Variants in PTPN14 observed in about 807,000 individuals in gnomAD.
The protein encoded by PTPN14 is tyrosine-protein phosphatase non-receptor type 14.
Under a neutral mutation model 126.8 loss-of-function variants are expected in PTPN14, and 53 were observed. The ratio of observed to expected loss-of-function variants is 0.42; its 90% CI spans 0.34 to 0.53. The LOEUF (loss-of-function observed/expected upper bound fraction) is 0.53. Among genes scored for constraint, PTPN14 ranks in the 20% least tolerant of loss-of-function variants. PTPN14 has a pLI of 0.08. For missense variants in PTPN14, 1,257 were observed against 1,552.9 expected, an observed-to-expected ratio of 0.81 and a Z score of 3.20; for synonymous variants, 630 against 599.3, an observed-to-expected ratio of 1.05 and a Z score of -0.75.
At chr1:214,435,620 A>T (rs1178950426) in intron 3 of PTPN14, among the ~76,000 whole-genome samples, 2 of 152,224 alleles carry the variant, frequency 1.3e-5, no homozygotes, top group Non-Finnish European at 2.9e-5. Flanking sequence ...AAGAAGACAT[A>T]TATGTGGCCA....
At chr1:214,491,010 GAAGA>G (rs1661233146) in intron 1 of PTPN14, among the ~76,000 whole-genome samples, 1 of 102,964 alleles carries the variant, frequency 9.7e-6, no homozygotes, top group Admixed American at 1.1e-4. Flanking sequence ...GGAAAGAAAG[GAAGA>G]AAGGAAGAAA....
At chr1:214,462,249 C>A (rs937035490) in intron 2 of PTPN14, among the ~76,000 whole-genome samples, 1 of 152,166 alleles carries the variant, frequency 6.6e-6, no homozygotes, top group African/African-American at 2.4e-5. Context: ...CTTGGCAATG[C>A]ACTGCTTTAT....
At chr1:214,370,999 T>C (rs1658205662) in intron 16 of PTPN14, among the ~76,000 whole-genome samples, 1 of 152,240 alleles carries the variant, frequency 6.6e-6, no homozygotes, top group African/African-American at 2.4e-5. Context: ...AAGCATACCT[T>C]CCTCTTTTAT....
chr1:214,412,134 T>G (rs1057452016), intron 4 of PTPN14, among the ~76,000 whole-genome samples: 1 of 152,228 alleles, frequency 6.6e-6, no homozygotes. Context: ...CAAACCCATC[T>G]GCATCTTTTC....
chr1:214,362,741 G>A (rs1271524091), intron 18 of PTPN14, among the ~76,000 whole-genome samples: 1 of 152,210 alleles, frequency 6.6e-6, no homozygotes, highest in Non-Finnish European at 1.5e-5. Flanking sequence ...CCAGGCTTAC[G>A]CCTGTAATCC....
In PTPN14 at chr1:214,384,007, C is replaced by A; in HGVS notation, c.1848G>T (p.Val616=). ...TCACCTCCTGGAGAGACTGATGAAC[C>A]ACCGGAGAGCTGTCCTCTTGGAAGG... ...VKTFQEDSSP[V]VHQSLQEVSE... The change falls in exon 13 of 19, where the codon GTG becomes GTT. Residue 616 remains valine (V), a synonymous_variant. Transcript: ENST00000366956. The surrounding 1 kb of genome is among the most constrained non-coding windows in gnomAD (Gnocchi z 5.3). The A allele has an allele frequency of 6.2e-7, 1 of 1,606,654 alleles. No individual in the cohort carries two copies. Among genetic ancestry groups the A allele is most frequent in the Non-Finnish European group, 8.5e-7 (1 of 1,179,000 alleles).
chr1:214,544,557 C>G (rs1374391452), intron 1 of PTPN14, among the ~76,000 whole-genome samples: 5 of 152,182 alleles, frequency 3.3e-5, no homozygotes. Context: ...CGAGACCAGC[C>G]TGGCCAACAC....
chr1:214,502,040 C>T (rs1174333054), intron 1 of PTPN14, among the ~76,000 whole-genome samples: 2 of 120,152 alleles, frequency 1.7e-5, no homozygotes, highest in Admixed American at 1.1e-4. Flanking sequence ...GCCTGGGCGA[C>T]GGTGCAAGGC....
At chr1:214,414,577 C>T in intron 4 of PTPN14, 52 bp downstream of exon 4, 1 of 1,505,556 alleles carries the variant, frequency 6.6e-7, no homozygotes, top group Non-Finnish European at 9.2e-7. Flanking sequence ...CCAGCAACAC[C>T]ATGATCAAAC....
intron 3 of PTPN14, among the ~76,000 whole-genome samples, chr1:214,444,614 A>G (rs1660102224): frequency 1.3e-5 from 2 of 152,220 alleles, no homozygotes; most frequent in Admixed American, 1.3e-4. Flanking sequence ...ACAACAGCAC[A>G]CAAGGCAGAT....
At chr1:214,414,525 T>C (rs1659382076) in intron 4 of PTPN14, 104 bp downstream of exon 4, 1 of 1,051,392 alleles carries the variant, frequency 9.5e-7, no homozygotes, top group South Asian at 1.4e-5. Context: ...GGAGCATTAC[T>C]AAGGGATCAT....
intron 1 of PTPN14, among the ~76,000 whole-genome samples, chr1:214,522,142 C>G (rs1330173836): frequency 6.6e-6 from 1 of 151,928 alleles, no homozygotes; most frequent in African/African-American, 2.4e-5. Flanking sequence ...GCCATGTCGG[C>G]CAGGCTGATC....
chr1:214,464,872 T>C lies in PTPN14; in HGVS notation c.-69A>G. 1 of 1,569,828 alleles carries C rather than the reference T, an allele frequency of 6.4e-7. No individual in the cohort carries two copies. Among genetic ancestry groups the C allele is most frequent in the Non-Finnish European group, 8.7e-7 (1 of 1,150,834 alleles). ...CGCCCCTGAGATGGCCTTAGCAGTT[T>C]CGTGACTGGAAAATTACACTATCAC... On this transcript the variant is annotated 5_prime_UTR_variant, in exon 2 of 19. Transcript: ENST00000366956.
chr1:214,451,811 G>C lies in PTPN14; in HGVS notation c.338C>G (p.Ala113Gly), dbSNP rs772437258. 1.9e-6 allele frequency: 3 copies of C among 1,613,836 alleles called. No homozygotes were observed. The Admixed American group carries it at 5.0e-5, about 27-fold the overall frequency. The change falls in exon 3 of 19, where the codon GCC becomes GGC. Residue 113 changes from alanine to glycine, a missense_variant. Ala to Gly is a moderately conservative substitution (Grantham distance 60). This residue lies in a region of PTPN14 where 1,021 missense variants were observed against 1,183.3 expected (regional missense o/e 0.86). Transcript: ENST00000366956. ...AGGGGGAAAATGCACCTACCTTGTG[G>C]CCTCTTGCTGAAGCCATGACACATT... ...VPNVSWLQQE[A>G]TRYQYYLQVK...
intron 1 of PTPN14, among the ~76,000 whole-genome samples, chr1:214,544,416 T>TA (rs1368689693): frequency 6.9e-6 from 1 of 144,956 alleles, no homozygotes; most frequent in Non-Finnish European, 1.5e-5. Context: ...GGTGACAGGG[T>TA]AAAACCCTGT....
intron 8 of PTPN14, among the ~76,000 whole-genome samples, chr1:214,395,509 A>G (rs577084579): frequency 6.6e-6 from 1 of 151,676 alleles, no homozygotes; most frequent in African/African-American, 2.4e-5. Flanking sequence ...TTGACTTTGG[A>G]CTTAGTGTCA....
intron 1 of PTPN14, among the ~76,000 whole-genome samples, chr1:214,485,091 A>G (rs1403541081): frequency 6.6e-6 from 1 of 152,236 alleles, no homozygotes; most frequent in Non-Finnish European, 1.5e-5. Context: ...GAAAGCATTG[A>G]GCTGAGTCTA....
At chr1:214,546,118 C>T (rs962414769) in intron 1 of PTPN14, among the ~76,000 whole-genome samples, 2 of 152,130 alleles carry the variant, frequency 1.3e-5, no homozygotes, top group African/African-American at 4.8e-5. Context: ...GGTGGGTGAA[C>T]CAAGCAAGAC....
intron 5 of PTPN14, among the ~76,000 whole-genome samples, chr1:214,409,160 T>C (rs901806986): frequency 2.0e-5 from 3 of 152,232 alleles, no homozygotes; most frequent in South Asian, 2.1e-4. Flanking sequence ...TTATCAACGA[T>C]AGTCACCTTG....
Sources: gnomAD v4.1 joint callset for allele counts (sites outside exome capture counted in the v4.1 genomes callset) on GRCh38, gnomAD v4.1.1 for gene constraint, gnomAD v4.1.1 regional missense constraint, Gnocchi (gnomAD v3.1) non-coding constraint, MANE v1.5 for transcripts, NCBI Gene and HGNC (gene_info 2026-07-23, HGNC 2026-07-21) for gene names.